The following TIAM1 variants were observed in gnomAD, a reference collection of about 807,000 sequenced individuals.
TIAM1 encodes the protein TIAM Rac1 associated GEF 1.
Under a neutral mutation model 163.5 loss-of-function variants are expected in TIAM1, and 65 were observed. The ratio of observed to expected loss-of-function variants is 0.40; its 90% CI spans 0.33 to 0.49. The LOEUF is 0.49. Ranked by LOEUF, TIAM1 falls within the 20% of genes least tolerant of loss-of-function variation. The pLI, the probability that TIAM1 is intolerant of heterozygous loss-of-function variation, is 0.77. For missense variants in TIAM1, 1,789 were observed against 2,044.7 expected (o/e 0.87, Z 2.41); for synonymous variants, 833 against 810.1 (o/e 1.03, Z -0.48).
chr21:31,393,099 G>A (rs1207204807), intron 2 of TIAM1, among the ~76,000 whole-genome samples: 1 of 151,946 alleles, frequency 6.6e-6, no homozygotes, highest in Non-Finnish European at 1.5e-5. Context: ...GGGACTACAG[G>A]TGCCCACCAC....
intron 2 of TIAM1, among the ~76,000 whole-genome samples, chr21:31,296,304 T>C (rs900307230): frequency 1.3e-5 from 2 of 152,062 alleles, no homozygotes; most frequent in East Asian, 3.9e-4. Flanking sequence ...AAAAAAAATA[T>C]GCACACCTCA....
intron 1 of TIAM1, among the ~76,000 whole-genome samples, chr21:31,511,436 T>G (rs1043399253): frequency 6.6e-6 from 1 of 152,140 alleles, no homozygotes; most frequent in Non-Finnish European, 1.5e-5. Flanking sequence ...CCTTGGTCTG[T>G]CCCTTACCAG....
intron 2 of TIAM1, among the ~76,000 whole-genome samples, chr21:31,403,881 G>A (rs1165159972): frequency 6.6e-6 from 1 of 152,084 alleles, no homozygotes; most frequent in Non-Finnish European, 1.5e-5. Context: ...CTCACAAATA[G>A]CTCAAATCCA....
chr21:31,489,394 GA>G (rs2046382426), intron 1 of TIAM1, among the ~76,000 whole-genome samples: 2 of 95,838 alleles, frequency 2.1e-5, no homozygotes, highest in Non-Finnish European at 2.1e-5. Flanking sequence ...GGAGGAGAGG[GA>G]GGGGAGGGGG....
chr21:31,267,264 G>C (rs2072830805), intron 3 of TIAM1, among the ~76,000 whole-genome samples: 1 of 152,204 alleles, frequency 6.6e-6, no homozygotes, highest in Non-Finnish European at 1.5e-5. Flanking sequence ...TGCCCAGAGA[G>C]AAGATGGCCA....
chr21:31,542,636 T>A (rs1779135027), intron 1 of TIAM1, among the ~76,000 whole-genome samples: 1 of 152,194 alleles, frequency 6.6e-6, no homozygotes, highest in Admixed American at 6.5e-5. Flanking sequence ...CATTTGCAGG[T>A]TAGGTCCTGG....
chr21:31,470,935 CG>C (rs1373816347), intron 1 of TIAM1, among the ~76,000 whole-genome samples: 1 of 152,128 alleles, frequency 6.6e-6, no homozygotes, highest in East Asian at 1.9e-4. Flanking sequence ...CACCCACCCC[CG>C]AGGGGGCAGC....
chr21:31,510,311 C>A (rs1284293101), intron 1 of TIAM1, among the ~76,000 whole-genome samples: 1 of 152,178 alleles, frequency 6.6e-6, no homozygotes, highest in Non-Finnish European at 1.5e-5. Context: ...GCGTGCACAT[C>A]CCTGGTGCCT....
intron 2 of TIAM1, among the ~76,000 whole-genome samples, chr21:31,375,029 G>A (rs1369687834): frequency 6.6e-6 from 1 of 152,204 alleles, no homozygotes; most frequent in East Asian, 1.9e-4. Flanking sequence ...ATTAGACACA[G>A]TGACTCAGAT....
intron 1 of TIAM1, among the ~76,000 whole-genome samples, chr21:31,501,514 C>T (rs913956320): frequency 5.0e-4 from 76 of 152,286 alleles, no homozygotes; most frequent in African/African-American, 1.8e-3. Flanking sequence ...TTTGGCCTTT[C>T]GTATCTACCT....
chr21:31,355,005 C>T (rs1235441494), intron 2 of TIAM1, among the ~76,000 whole-genome samples: 6 of 152,136 alleles, frequency 3.9e-5, no homozygotes, highest in African/African-American at 1.2e-4. Context: ...GCCCTGTACC[C>T]TGGGAGCCTT....
chr21:31,152,543 T>C, intron 19 of TIAM1, 93 bp downstream of exon 19: 1 of 1,542,038 alleles, frequency 6.5e-7, no homozygotes, highest in Non-Finnish European at 8.8e-7. Flanking sequence ...CAGACCCCAC[T>C]GTGGCCCTCC....
chr21:31,217,230 A>C (rs2087270153), intron 9 of TIAM1, among the ~76,000 whole-genome samples: 1 of 151,694 alleles, frequency 6.6e-6, no homozygotes, highest in Non-Finnish European at 1.5e-5. Flanking sequence ...GACTGCACTC[A>C]GGTACCCACT....
In TIAM1 at chr21:31,211,356, A is replaced by G. The variant is rs2086879941; in HGVS notation, c.2218-1141T>C. 1.3e-5 allele frequency among the ~76,000 whole-genome samples: 2 copies of G among 152,222 alleles called. 1 individual carries two copies. The highest frequency in any genetic ancestry group is 1.3e-4 in the Admixed American group (2 of 15,284). On this transcript the variant is annotated intron_variant, in intron 10 of 27. Coordinates refer to ENST00000541036, the MANE Select transcript of TIAM1 (RefSeq NM_001353694.2). The stretch of plus-strand genomic sequence containing the variant: ...CCGCGAAATAAGCAAGGAAAGAATG[A>G]TGTTAGATTTCAGCAATGTAAACAT...
intron 2 of TIAM1, among the ~76,000 whole-genome samples, chr21:31,438,611 T>C (rs1300200262): frequency 6.6e-6 from 1 of 152,160 alleles, no homozygotes; most frequent in Admixed American, 6.5e-5. Flanking sequence ...GATGTAACCC[T>C]TTTCCCTCTT....
intron 2 of TIAM1, among the ~76,000 whole-genome samples, chr21:31,398,061 C>G (rs368912467): frequency 2.9e-4 from 44 of 151,728 alleles, no homozygotes; most frequent in East Asian, 3.9e-4. Flanking sequence ...TGACCTCCCC[C>G]CTACAACCTC....
chr21:31,174,561 C>T (rs1434307264), intron 15 of TIAM1, among the ~76,000 whole-genome samples: 1 of 152,254 alleles, frequency 6.6e-6, no homozygotes, highest in Admixed American at 6.5e-5. Flanking sequence ...CTTTCTCCAA[C>T]ACCACAGCAG....
rs529387615 is a variant in TIAM1 at position 31,446,481 on chromosome 21, C to T, written c.-369+17502G>A. ...AGAGCATGCTGAACTTCTAGTGAAA[C>T]TTTACACACTGAAAACTTACACACC... On this transcript the variant is annotated intron_variant, in intron 2 of 28. Transcript: ENST00000286827. Among the ~76,000 whole-genome samples the T allele has an allele frequency of 2.0e-5, 3 of 152,282 alleles. No individual in the cohort carries two copies. The East Asian group carries it at 5.8e-4, about 29-fold the overall frequency.
intron 1 of TIAM1, among the ~76,000 whole-genome samples, chr21:31,502,683 C>T (rs769842507): frequency 2.6e-5 from 4 of 152,194 alleles, no homozygotes; most frequent in Non-Finnish European, 4.4e-5. Context: ...CTAGATCATC[C>T]GTCTTGAGTT....
Sources: gnomAD v4.1 joint callset for allele counts (sites outside exome capture counted in the v4.1 genomes callset) on GRCh38, gnomAD v4.1.1 for gene constraint, MANE v1.5 for transcripts, NCBI Gene and HGNC (gene_info 2026-07-23, HGNC 2026-07-21) for gene names.